Variants in GABRA2 observed in about 807,000 individuals in gnomAD.
GABRA2 encodes gamma-aminobutyric acid receptor subunit alpha-2.
In GABRA2, 16 loss-of-function variants were observed where a neutral mutation model predicts 48.7. The observed-to-expected ratio is 0.33, with a 90% CI of 0.22 to 0.50. The LOEUF is 0.50. GABRA2 is among the 20% of genes least tolerant of loss of function. The probability of loss-of-function intolerance (pLI) is 0.98; values close to 1 mark genes in which losing one functional copy is unlikely to be tolerated. For missense variants in GABRA2, 275 were observed against 535.6 expected (o/e 0.51, Z 4.80); for synonymous variants, 185 against 184.5 (o/e 1.00, Z -0.02).
intron 3 of GABRA2, among the ~76,000 whole-genome samples, chr4:46,372,400 C>A: frequency 6.6e-6 from 1 of 152,168 alleles, no homozygotes; most frequent in African/African-American, 2.4e-5. Context: ...CTGGCCTTAA[C>A]CATAGATAGG....
At chr4:46,277,216 T>C (rs1577873536) in intron 8 of GABRA2, among the ~76,000 whole-genome samples, 1 of 152,150 alleles carries the variant, frequency 6.6e-6, no homozygotes, top group Admixed American at 6.5e-5. Context: ...TTCCTTGCCA[T>C]GGCTTATTAA....
At chr4:46,363,932 T>C (rs1392221117) in intron 3 of GABRA2, 1 of 152,200 alleles carries the variant, frequency 6.6e-6, no homozygotes, top group African/African-American at 2.4e-5. Context: ...CACTTACATG[T>C]AATTGATTAA....
chr4:46,320,235 T>C (rs1298839094), intron 4 of GABRA2, among the ~76,000 whole-genome samples: 1 of 151,830 alleles, frequency 6.6e-6, no homozygotes, highest in Non-Finnish European at 1.5e-5. Flanking sequence ...TGAATAGCCA[T>C]ATGCACTAGA....
intron 4 of GABRA2, among the ~76,000 whole-genome samples, chr4:46,320,797 G>T (rs958772401): frequency 2.0e-5 from 3 of 151,818 alleles, no homozygotes; most frequent in Non-Finnish European, 4.4e-5. Flanking sequence ...CACTGTTGGT[G>T]GGGATGTAAA....
intron 8 of GABRA2, among the ~76,000 whole-genome samples, chr4:46,299,633 G>T (rs1165354847): frequency 6.6e-6 from 1 of 150,918 alleles, no homozygotes; most frequent in Non-Finnish European, 1.5e-5. Context: ...AACAAAGTCT[G>T]CTTTGCGTTG....
chr4:46,384,714 A>C (rs1435564902), intron 3 of GABRA2, among the ~76,000 whole-genome samples: 2 of 152,316 alleles, frequency 1.3e-5, no homozygotes, highest in East Asian at 3.9e-4. Flanking sequence ...CTTCTTACTT[A>C]CTAGGCTTAC....
intron 8 of GABRA2, among the ~76,000 whole-genome samples, chr4:46,291,614 A>G (rs192393016): frequency 9.2e-5 from 14 of 152,118 alleles, no homozygotes; most frequent in African/African-American, 3.4e-4. Flanking sequence ...CCCAGCCTAT[A>G]TATTTCGCCC....
rs1435792011 is a variant in GABRA2 at position 46,332,543 on chromosome 4, T to A, written c.255+72A>T. Reference sequence around the variant, plus strand: ...ATACATAATTCTATAACACTAAAAATGCTAGTTTATTTGAAATTACCCCCC... The same window carrying A: ...ATACATAATTCTATAACACTAAAAAAGCTAGTTTATTTGAAATTACCCCCC... On this transcript the variant is annotated intron_variant, in intron 4 of 9. Transcript: ENST00000381620. 3 of 847,510 alleles carry A rather than the reference T, an allele frequency of 3.5e-6. No homozygotes were observed. In the African/African-American group the frequency reaches 5.0e-5, roughly 14 times the overall value. The allele number at this position is 847,510 out of a possible 1,614,324, so 52.5% of individuals were successfully genotyped here. A position where few individuals can be genotyped will look rare whatever the true frequency, so the allele number is the denominator to read the frequency against.
chr4:46,375,251 T>C (rs1295853589), intron 3 of GABRA2, among the ~76,000 whole-genome samples: 2 of 152,156 alleles, frequency 1.3e-5, no homozygotes, highest in Non-Finnish European at 2.9e-5. Context: ...ATTAATTTTA[T>C]TCTTATAATA....
chr4:46,372,063 A>G (rs985481426), intron 3 of GABRA2, among the ~76,000 whole-genome samples: 3 of 152,222 alleles, frequency 2.0e-5, no homozygotes, highest in African/African-American at 7.2e-5. Flanking sequence ...CATGTTAATA[A>G]TAACCAACCA....
intron 9 of GABRA2, among the ~76,000 whole-genome samples, chr4:46,251,694 C>T (rs1430207625): frequency 6.6e-6 from 1 of 151,408 alleles, no homozygotes; most frequent in Non-Finnish European, 1.5e-5. Context: ...ATTCATAACA[C>T]TCTAATTTGT....
chr4:46,390,086 G>A lies in GABRA2; in HGVS notation c.-362C>T, dbSNP rs1456009332. ...GGGAAATTGGGGGGACGCGGGCGGA[G>A]GCGCGGTGCGCGCCGGCGGTGGCGG... is the stretch of plus-strand genomic sequence containing the variant. On this transcript the variant is annotated 5_prime_UTR_variant, in exon 1 of 10. Transcript: ENST00000381620. The A allele has an allele frequency of 2.1e-6, 2 of 959,738 alleles. No individual in the cohort carries two copies. Among genetic ancestry groups the A allele is most frequent in the Non-Finnish European group, 1.2e-6 (1 of 806,878 alleles). The allele number at this position is 959,738 out of a possible 1,614,324, so 59.5% of individuals were successfully genotyped here. A position where few individuals can be genotyped will look rare whatever the true frequency, so the allele number is the denominator to read the frequency against.
intron 9 of GABRA2, among the ~76,000 whole-genome samples, chr4:46,259,584 A>G (rs1716542699): frequency 6.6e-6 from 1 of 151,958 alleles, no homozygotes; most frequent in South Asian, 2.1e-4. Flanking sequence ...TTCTTAAAAC[A>G]TACAATATCA....
rs1726565231 is a variant in GABRA2 at position 46,305,700 on chromosome 4, T to C, written c.571A>G (p.Thr191Ala). The C allele has an allele frequency of 6.2e-7, 1 of 1,610,598 alleles. No homozygotes were observed. The change falls in exon 7 of 10, where the codon ACT becomes GCT. Residue 191 changes from threonine (T) to alanine (A), a missense_variant. Thr to Ala is a moderately conservative substitution (Grantham distance 58). Transcript: ENST00000381620. ...GTCCAAATATAAGTGACCTCTGAAG[T>C]TGTATATGCATCTATAGGAAATCAG... is the stretch of plus-strand genomic sequence containing the variant. ...PLKFGSYAYT[T>A]SEVTYIWTYN... is the part of the protein sequence containing the mutation.
chr4:46,322,664 G>A (rs1354503260), intron 4 of GABRA2, among the ~76,000 whole-genome samples: 11 of 151,836 alleles, frequency 7.2e-5, no homozygotes, highest in Admixed American at 5.3e-4. Flanking sequence ...CTGTGTCACC[G>A]GCATCTAAAA....
intron 3 of GABRA2, chr4:46,364,188 T>C (rs1335208196): frequency 2.0e-5 from 3 of 152,210 alleles, no homozygotes; most frequent in Admixed American, 6.6e-5. Flanking sequence ...TGTGACCCTA[T>C]GCATATTACT....
intron 3 of GABRA2, among the ~76,000 whole-genome samples, chr4:46,377,497 A>G (rs371061394): frequency 1.0e-4 from 12 of 114,782 alleles, no homozygotes; most frequent in East Asian, 3.4e-4. Context: ...CCCTCCGCCC[A>G]GCAACCGCCC....
chr4:46,307,217 T>C (rs1726849741), intron 6 of GABRA2, among the ~76,000 whole-genome samples: 1 of 151,992 alleles, frequency 6.6e-6, no homozygotes, highest in Admixed American at 6.6e-5. Context: ...CCATTAATGA[T>C]TGATTACACC....
intron 8 of GABRA2, among the ~76,000 whole-genome samples, chr4:46,284,146 C>T (rs545552902): frequency 6.6e-6 from 1 of 150,874 alleles, no homozygotes; most frequent in South Asian, 2.1e-4. Context: ...GTTCATAATT[C>T]ATATAAACTT....
Sources: gnomAD v4.1 joint callset for allele counts (sites outside exome capture counted in the v4.1 genomes callset) on GRCh38, gnomAD v4.1.1 for gene constraint, MANE v1.5 for transcripts, NCBI Gene and HGNC (gene_info 2026-07-23, HGNC 2026-07-21) for gene names.